The following LYRM4 variants were observed in gnomAD, a reference collection of about 807,000 sequenced individuals.
LYRM4 encodes the protein LYR motif-containing protein 4.
LYRM4 carries 9 observed loss-of-function variants against 11.7 expected under a neutral mutation model. That is an observed-to-expected ratio of 0.77 (90% CI 0.46 to 1.34). LYRM4 has a LOEUF of 1.34. LYRM4 is among the 40% of genes most tolerant of loss of function. The pLI is 0.00. For synonymous variants in LYRM4, 42 were observed against 40.4 expected, an observed-to-expected ratio of 1.04 and a Z score of -0.15; for missense variants, 133 against 112.5, an observed-to-expected ratio of 1.18 and a Z score of -0.82.
At chr6:5,216,576 A>G (rs956749177) in intron 2 of LYRM4, 42 bp downstream of exon 2, 15 of 1,611,664 alleles carry the variant, frequency 9.3e-6, no homozygotes, top group Non-Finnish European at 1.2e-5. Context: ...GTCGAAGTTT[A>G]AAGCTCTTAA....
At chr6:5,066,716 C>G in the LYRM4 span, 1 of 838,602 alleles carries the variant, frequency 1.2e-6, no homozygotes. Context: ...TTTGTTTTCT[C>G]CATACGATTT....
chr6:5,224,858 G>C (rs538789642), intron 1 of LYRM4, among the ~76,000 whole-genome samples: 1 of 152,054 alleles, frequency 6.6e-6, no homozygotes, highest in Non-Finnish European at 1.5e-5. Flanking sequence ...TACTCGGTAG[G>C]CTGAGGCAGA....
intron 2 of LYRM4, among the ~76,000 whole-genome samples, chr6:5,157,441 C>A (rs1581400018): frequency 6.6e-6 from 1 of 151,530 alleles, no homozygotes; most frequent in East Asian, 1.9e-4. Flanking sequence ...ATATTCACAA[C>A]CAGTGAACAT....
At chr6:5,079,987 G>A in the LYRM4 span, among the ~76,000 whole-genome samples, 4 of 152,182 alleles carry the variant, frequency 2.6e-5, no homozygotes, top group African/African-American at 7.2e-5. Flanking sequence ...TTGCATAGTG[G>A]TATTGAACTC....
At chr6:5,189,695 T>G (rs1289518042) in intron 2 of LYRM4, among the ~76,000 whole-genome samples, 3 of 152,190 alleles carry the variant, frequency 2.0e-5, no homozygotes, top group African/African-American at 4.8e-5. Context: ...TAAATTTGTC[T>G]ACGATGCTAG....
chr6:5,128,637 C>T (rs1194265570), intron 2 of LYRM4, among the ~76,000 whole-genome samples: 1 of 152,216 alleles, frequency 6.6e-6, no homozygotes, highest in African/African-American at 2.4e-5. Context: ...TGCTTCCCTC[C>T]TCTTTTCCCT....
At chr6:5,125,059 A>G (rs1763639280) in intron 2 of LYRM4, among the ~76,000 whole-genome samples, 1 of 152,188 alleles carries the variant, frequency 6.6e-6, no homozygotes. Context: ...CTGGGAAGCC[A>G]GTCATCTTCA....
intron 1 of LYRM4, among the ~76,000 whole-genome samples, chr6:5,248,818 G>A (rs116004876): frequency 3.5e-4 from 54 of 152,336 alleles, no homozygotes; most frequent in Non-Finnish European, 5.6e-4. Context: ...CCGAACTACA[G>A]GTGCCTCTTG....
At position 5,254,780 on chromosome 6, in the gene LYRM4, C is replaced by T. The variant is rs183435889; in HGVS notation, c.86+5868G>A. 4.6e-5 allele frequency among the ~76,000 whole-genome samples: 7 copies of T among 152,334 alleles called. No individual in the cohort carries two copies. In the East Asian group the frequency reaches 7.7e-4, roughly 17 times the overall value. The stretch of plus-strand genomic sequence containing the variant: ...CATGTAAAATGAAATACCGTTCATT[C>T]TGTCCAAGACCAACCCCACCAGCTG... On this transcript the variant is annotated intron_variant, in intron 1 of 2. Coordinates refer to ENST00000330636, the MANE Select transcript of LYRM4 (RefSeq NM_020408.6).
chr6:5,086,731 G>A, the LYRM4 span: 1 of 623,196 alleles, frequency 1.6e-6, no homozygotes. Context: ...CACCCCCGCA[G>A]ACAAGTGAGC....
intron 1 of LYRM4, among the ~76,000 whole-genome samples, chr6:5,223,366 AACT>A (rs1762696995): frequency 2.0e-5 from 3 of 152,158 alleles, no homozygotes; most frequent in African/African-American, 7.2e-5. Flanking sequence ...AATCCTCACA[AACT>A]ACAACTCAGA....
intron 1 of LYRM4, among the ~76,000 whole-genome samples, chr6:5,245,949 A>T (rs1764177760): frequency 6.6e-6 from 1 of 152,226 alleles, no homozygotes; most frequent in Admixed American, 6.5e-5. Context: ...AAAGGCAGGA[A>T]ACACAGACCA....
chr6:5,216,571 A>G, intron 2 of LYRM4, 47 bp downstream of exon 2: 1 of 1,610,532 alleles, frequency 6.2e-7, no homozygotes, highest in Non-Finnish European at 8.5e-7. Context: ...AATATGTCGA[A>G]GTTTAAAGCT....
intron 2 of LYRM4, among the ~76,000 whole-genome samples, chr6:5,124,311 G>C (rs1174847542): frequency 6.6e-6 from 1 of 152,160 alleles, no homozygotes; most frequent in Non-Finnish European, 1.5e-5. Context: ...CCGCTGCTCT[G>C]TCTCAGGTGA....
At chr6:5,239,903 C>A (rs963146385) in intron 1 of LYRM4, among the ~76,000 whole-genome samples, 2 of 152,148 alleles carry the variant, frequency 1.3e-5, no homozygotes, top group Non-Finnish European at 2.9e-5. Context: ...GGGAACAGTA[C>A]CTGGCCATGG....
the LYRM4 span, among the ~76,000 whole-genome samples, chr6:5,079,184 G>T: frequency 6.6e-6 from 1 of 152,322 alleles, no homozygotes; most frequent in East Asian, 1.9e-4. Flanking sequence ...TTTTAACAAA[G>T]AATTGTGGAG....
chr6:5,231,233 CA>C (rs1235493331), intron 1 of LYRM4, among the ~76,000 whole-genome samples: 3 of 152,004 alleles, frequency 2.0e-5, no homozygotes, highest in Admixed American at 6.5e-5. Context: ...AAAAACCCCA[CA>C]AAAAACCCAA....
chr6:5,227,053 T>C (rs1762935316), intron 1 of LYRM4, among the ~76,000 whole-genome samples: 1 of 152,214 alleles, frequency 6.6e-6, no homozygotes, highest in African/African-American at 2.4e-5. Context: ...AAGAAGTATT[T>C]AGTTGATAAA....
the LYRM4 span, among the ~76,000 whole-genome samples, chr6:5,037,544 C>G: frequency 2.0e-4 from 15 of 73,906 alleles, no homozygotes; most frequent in East Asian, 8.2e-4. Flanking sequence ...CAGACGGGGT[C>G]CTGGCCGGGC....
Sources: allele counts gnomAD v4.1 joint callset (sites outside exome capture counted in the v4.1 genomes callset), GRCh38; gene constraint gnomAD v4.1.1; transcripts MANE v1.5; gene names NCBI Gene and HGNC (gene_info 2026-07-23, HGNC 2026-07-21).